The following SRPRB variants were observed in gnomAD, a reference collection of about 807,000 sequenced individuals.
The protein encoded by SRPRB is SRP receptor subunit beta, also known as signal recognition particle receptor subunit beta.
A neutral mutation model predicts 31.9 loss-of-function variants in SRPRB; 20 were observed. The ratio of observed to expected loss-of-function variants is 0.63; its 90% CI spans 0.44 to 0.91. The LOEUF (loss-of-function observed/expected upper bound fraction) is 0.91. SRPRB is among the 40% of genes least tolerant of loss of function. SRPRB has a pLI of 0.00. For synonymous variants in SRPRB, 146 were observed against 132.8 expected, an observed-to-expected ratio of 1.10 and a Z score of -0.68; for missense variants, 321 against 324.9, an observed-to-expected ratio of 0.99 and a Z score of 0.09.
At chr3:133,827,846 A>G (rs992343962), downstream of SRPRB, 1 of 633,840 alleles carries the variant, frequency 1.6e-6, no homozygotes, top group African/African-American at 1.9e-5. Flanking sequence ...ACACTGCCCA[A>G]CATCACACAC....
At chr3:133,818,785 A>AGTGTGTGTGTGTGTGTGTGTGT (rs146467727) in intron 6 of SRPRB, among the ~76,000 whole-genome samples, 3 of 144,102 alleles carry the variant, frequency 2.1e-5, no homozygotes, top group African/African-American at 2.6e-5. Context: ...ATACTTTTAC[A>AGTGTGTGTGTGTGTGTGTGTGT]GTGTGTGTGT....
chr3:133,810,905 C>T, intron 3 of SRPRB: 2 of 443,958 alleles, frequency 4.5e-6, no homozygotes, highest in South Asian at 3.7e-5. Flanking sequence ...TTATGTTCAC[C>T]TTTCTCATAA....
rs767623954 is a variant in SRPRB, at chr3:133,805,866, G to A, written c.18G>A (p.Ser6=). 1.9e-6 allele frequency: 3 copies of A among 1,611,562 alleles called. No homozygotes were observed. Among genetic ancestry groups the A allele is most frequent in the East Asian group, 2.2e-5 (1 of 44,832 alleles). MASAD[S]RRVADGGGAG... ...TCTCATCCATGGCTTCCGCGGACTC[G>A]CGCCGGGTGGCAGATGGCGGCGGTG... Residue 6 remains serine, a synonymous_variant, in exon 1 of 7, where the codon TCG becomes TCA. Coordinates refer to ENST00000678299, the MANE Select transcript of SRPRB (RefSeq NM_001379313.1).
At chr3:133,821,496 G>A (rs371946158), downstream of SRPRB, 2 of 152,298 alleles carry the variant, frequency 1.3e-5, no homozygotes, top group African/African-American at 4.8e-5. Flanking sequence ...AGAGGCATGT[G>A]TCCCTCTCAG....
chr3:133,823,170 T>C (rs1010396297), downstream of SRPRB, among the ~76,000 whole-genome samples: 1 of 152,214 alleles, frequency 6.6e-6, no homozygotes, highest in African/African-American at 2.4e-5. Context: ...CTGCCACTTT[T>C]CCACTGGCCT....
At chr3:133,815,753 A>T (rs1038355260) in intron 5 of SRPRB, 27 bp downstream of exon 5, 13 of 1,607,146 alleles carry the variant, frequency 8.1e-6, no homozygotes, top group Non-Finnish European at 1.0e-5. Flanking sequence ...TTGCAATAAT[A>T]ATTGAGTTTT....
At chr3:133,824,382 C>CCAAT (rs1340769493), downstream of SRPRB, 6 of 152,206 alleles carry the variant, frequency 3.9e-5, no homozygotes, top group South Asian at 2.1e-4. Context: ...CTCCTCACAG[C>CCAAT]CAATCACTTT....
At chr3:133,825,861 A>G (rs1935553695), downstream of SRPRB, 1 of 152,230 alleles carries the variant, frequency 6.6e-6, no homozygotes, top group African/African-American at 2.4e-5. Flanking sequence ...CATTTCCTCA[A>G]AGGAATCCTC....
intron 3 of SRPRB, 134 bp downstream of exon 3, chr3:133,807,957 C>A: frequency 1.6e-6 from 1 of 639,794 alleles, no homozygotes; most frequent in Non-Finnish European, 2.7e-6. Flanking sequence ...GAAACATATT[C>A]TTTGTGACAA....
At chr3:133,826,405 AAAG>A (rs969734458), downstream of SRPRB, 1 of 152,262 alleles carries the variant, frequency 6.6e-6, no homozygotes, top group African/African-American at 2.4e-5. Flanking sequence ...TTTTTTTAAA[AAAG>A]CTAATCTTTA....
upstream of SRPRB, among the ~76,000 whole-genome samples, chr3:133,804,239 G>A (rs1224416467): frequency 6.6e-6 from 1 of 151,906 alleles, no homozygotes; most frequent in Non-Finnish European, 1.5e-5. Context: ...TAATAGCTGT[G>A]AGTCACCGGG....
intron 4 of SRPRB, among the ~76,000 whole-genome samples, chr3:133,812,595 C>A (rs951484445): frequency 1.2e-4 from 18 of 152,108 alleles, no homozygotes; most frequent in African/African-American, 2.7e-4. Context: ...TTTTTTTAAT[C>A]CTACTTTCTG....
intron 3 of SRPRB, among the ~76,000 whole-genome samples, chr3:133,809,791 T>C (rs1267627474): frequency 6.6e-6 from 1 of 152,228 alleles, no homozygotes; most frequent in African/African-American, 2.4e-5. Context: ...ATAATTTCTT[T>C]TTTTATTACA....
chr3:133,806,846 A>G, intron 2 of SRPRB, 143 bp downstream of exon 2: 1 of 626,304 alleles, frequency 1.6e-6, no homozygotes, highest in Non-Finnish European at 2.8e-6. Context: ...TTGGGAGAAC[A>G]AAAAGACTCG....
chr3:133,800,548 G>A (rs1338805192), intron 1 of SRPRB, among the ~76,000 whole-genome samples: 1 of 152,200 alleles, frequency 6.6e-6, no homozygotes, highest in African/African-American at 2.4e-5. Context: ...GATGGATATA[G>A]GGGACTGATC....
At chr3:133,801,581 A>T (rs967240109), upstream of SRPRB, among the ~76,000 whole-genome samples, 8 of 152,176 alleles carry the variant, frequency 5.3e-5, no homozygotes, top group Non-Finnish European at 1.0e-4. Context: ...AAATATCCTC[A>T]GCGAGTTAAG....
At chr3:133,815,444 T>C (rs1055666787) in intron 4 of SRPRB, 146 bp from the exon 5 acceptor site, 6 of 875,718 alleles carry the variant, frequency 6.9e-6, no homozygotes, top group East Asian at 4.9e-5. Context: ...ATTTATGTTA[T>C]ATGATAACAT....
intron 1 of SRPRB, chr3:133,789,970 T>G (rs946831255): frequency 9.3e-5 from 14 of 150,140 alleles, no homozygotes; most frequent in African/African-American, 3.4e-4. Flanking sequence ...AATACGTATG[T>G]ATTAACTTTG....
At chr3:133,823,218 G>A (rs1459404439), downstream of SRPRB, among the ~76,000 whole-genome samples, 1 of 152,168 alleles carries the variant, frequency 6.6e-6, no homozygotes, top group African/African-American at 2.4e-5. Flanking sequence ...GATGTGTGAG[G>A]CACATGGCCA....
Sources: allele counts gnomAD v4.1 joint callset (sites outside exome capture counted in the v4.1 genomes callset), GRCh38; gene constraint gnomAD v4.1.1; transcripts MANE v1.5; gene names NCBI Gene and HGNC (gene_info 2026-07-23, HGNC 2026-07-21).